Variants in COMMD10 observed in about 807,000 individuals in gnomAD.
The protein encoded by COMMD10 is COMM domain containing 10, also known as COMM domain-containing protein 10.
COMMD10 carries 33 observed loss-of-function variants against 28.9 expected under a neutral mutation model. That is an observed-to-expected ratio of 1.14 (90% CI 0.87 to 1.53). COMMD10 has a LOEUF of 1.53. Among genes scored for constraint, COMMD10 ranks in the 40% most tolerant of loss-of-function variants. The pLI, the probability that COMMD10 is intolerant of heterozygous loss-of-function variation, is 0.00. For missense variants in COMMD10, 310 were observed against 233.4 expected, an observed-to-expected ratio of 1.33 and a Z score of -2.14; for synonymous variants, 110 against 81.7, an observed-to-expected ratio of 1.35 and a Z score of -1.87.
At chr5:116,117,157 G>T (rs553174525) in intron 4 of COMMD10, among the ~76,000 whole-genome samples, 21 of 152,076 alleles carry the variant, frequency 1.4e-4, no homozygotes, top group Non-Finnish European at 2.9e-4. Flanking sequence ...ATCACAATTT[G>T]TTTATCTGTA....
At chr5:116,163,418 C>G (rs1414760424) in intron 5 of COMMD10, among the ~76,000 whole-genome samples, 2 of 101,810 alleles carry the variant, frequency 2.0e-5, no homozygotes, top group East Asian at 2.6e-4. Flanking sequence ...AACCCCACCT[C>G]TACTTAAAAA....
At chr5:116,112,682 C>T (rs1228281516) in intron 4 of COMMD10, among the ~76,000 whole-genome samples, 2 of 152,192 alleles carry the variant, frequency 1.3e-5, no homozygotes, top group Admixed American at 1.3e-4. Context: ...GCATGAGCCA[C>T]CGCTATATGG....
At chr5:116,113,466 C>T (rs959023664) in intron 4 of COMMD10, among the ~76,000 whole-genome samples, 23 of 150,818 alleles carry the variant, frequency 1.5e-4, no homozygotes, top group African/African-American at 5.4e-4. Flanking sequence ...CAGTCCTAAA[C>T]ACTTGGAAAG....
intron 5 of COMMD10, among the ~76,000 whole-genome samples, chr5:116,201,071 T>G (rs1748653133): frequency 6.6e-6 from 1 of 152,156 alleles, no homozygotes; most frequent in African/African-American, 2.4e-5. Context: ...GACAGATGGC[T>G]AGAGTGAGCT....
intron 5 of COMMD10, among the ~76,000 whole-genome samples, chr5:116,243,214 T>C (rs1039514036): frequency 2.0e-5 from 3 of 152,304 alleles, no homozygotes; most frequent in African/African-American, 2.4e-5. Context: ...TAACATCTTA[T>C]GTATGATTTC....
At chr5:116,129,055 A>G (rs747851792) in intron 4 of COMMD10, among the ~76,000 whole-genome samples, 5 of 151,874 alleles carry the variant, frequency 3.3e-5, no homozygotes, top group Non-Finnish European at 5.9e-5. Context: ...CTTTGTGACT[A>G]TGTAAACATA....
intron 5 of COMMD10, among the ~76,000 whole-genome samples, chr5:116,227,786 C>A (rs1470338192): frequency 6.6e-6 from 1 of 152,014 alleles, no homozygotes; most frequent in Admixed American, 6.6e-5. Context: ...ACTATCAGTG[C>A]CTTTAATCAT....
chr5:116,190,305 A>G (rs1748319418), intron 5 of COMMD10, among the ~76,000 whole-genome samples: 1 of 152,218 alleles, frequency 6.6e-6, no homozygotes, highest in Non-Finnish European at 1.5e-5. Context: ...TGAAAGTTAA[A>G]TATGCAGCTA....
At chr5:116,153,543 C>T (rs983780679) in intron 5 of COMMD10, among the ~76,000 whole-genome samples, 3 of 152,040 alleles carry the variant, frequency 2.0e-5, no homozygotes, top group African/African-American at 4.8e-5. Context: ...TAATAGATAG[C>T]ATTTATTGAC....
intron 4 of COMMD10, among the ~76,000 whole-genome samples, chr5:116,104,419 G>T (rs538529625): frequency 6.6e-6 from 1 of 152,030 alleles, no homozygotes; most frequent in Non-Finnish European, 1.5e-5. Flanking sequence ...ATTGTGAATG[G>T]GAGTTCACTC....
At chr5:116,191,846 A>G (rs1748379631) in intron 5 of COMMD10, among the ~76,000 whole-genome samples, 1 of 152,058 alleles carries the variant, frequency 6.6e-6, no homozygotes, top group Admixed American at 6.5e-5. Flanking sequence ...GCACTAAAAT[A>G]GAGCATTAAA....
At chr5:116,124,100 C>T (rs541498096) in intron 4 of COMMD10, among the ~76,000 whole-genome samples, 7 of 151,892 alleles carry the variant, frequency 4.6e-5, no homozygotes, top group African/African-American at 1.4e-4. Flanking sequence ...TTATTTCTTG[C>T]CTTCTGCTAG....
intron 5 of COMMD10, among the ~76,000 whole-genome samples, chr5:116,146,768 A>C (rs1015873085): frequency 6.6e-6 from 1 of 151,856 alleles, no homozygotes; most frequent in Non-Finnish European, 1.5e-5. Context: ...TTATATGAAG[A>C]GGAAGAATAC....
At chr5:116,247,927 A>G (rs763586898) in intron 5 of COMMD10, among the ~76,000 whole-genome samples, 3 of 152,136 alleles carry the variant, frequency 2.0e-5, no homozygotes, top group Non-Finnish European at 2.9e-5. Flanking sequence ...AAGTTTACCT[A>G]TGTAGCAAAT....
At chr5:116,122,019 G>A (rs1270799467) in intron 4 of COMMD10, among the ~76,000 whole-genome samples, 1 of 152,124 alleles carries the variant, frequency 6.6e-6, no homozygotes, top group Non-Finnish European at 1.5e-5. Flanking sequence ...GGCTTTTGTT[G>A]CCATTGCTTT....
chr5:116,265,216 C>T (rs192244278), intron 5 of COMMD10, among the ~76,000 whole-genome samples: 1 of 151,874 alleles, frequency 6.6e-6, no homozygotes, highest in African/African-American at 2.4e-5. Flanking sequence ...TCCACATGCT[C>T]TTTCTGCTAG....
rs996774696 is a variant in COMMD10, at chr5:116,273,755, A to G, written c.511-17762A>G. ...AGCCTTTGACTTCTGTTTGTAGATG[A>G]ACTGGAGTTTTGAAACTGACACTCA... is the stretch of plus-strand genomic sequence containing the variant. On this transcript the variant is annotated intron_variant, in intron 5 of 6. Transcript: ENST00000274458. Among the ~76,000 whole-genome samples the G allele has an allele frequency of 1.3e-4, 19 of 151,638 alleles. 1 individual carries two copies. Among genetic ancestry groups the G allele is most frequent in the African/African-American group, 3.4e-4 (14 of 41,092 alleles).
chr5:116,170,654 C>T (rs528384206), intron 5 of COMMD10, among the ~76,000 whole-genome samples: 11 of 152,250 alleles, frequency 7.2e-5, no homozygotes, highest in Non-Finnish European at 2.9e-5. Flanking sequence ...ACCAGTGGAA[C>T]AGAACAGAGG....
chr5:116,122,090 T>C (rs558226490), intron 4 of COMMD10, among the ~76,000 whole-genome samples: 2 of 152,206 alleles, frequency 1.3e-5, no homozygotes, highest in Non-Finnish European at 2.9e-5. Context: ...TGCCTAGGTT[T>C]TCTTCTAGGG....
Sources: gnomAD v4.1 joint callset for allele counts (sites outside exome capture counted in the v4.1 genomes callset) on GRCh38, gnomAD v4.1.1 for gene constraint, MANE v1.5 for transcripts, NCBI Gene and HGNC (gene_info 2026-07-23, HGNC 2026-07-21) for gene names.